ALK: variants seen among roughly 807,000 people sequenced by gnomAD.
The protein encoded by ALK is ALK receptor tyrosine kinase.
Under a neutral mutation model 163.1 loss-of-function variants are expected in ALK, and 74 were observed. The observed-to-expected ratio is 0.45, with a 90% CI of 0.38 to 0.55. ALK has a LOEUF of 0.55. Ranked by LOEUF, ALK falls within the 20% of genes least tolerant of loss-of-function variation. ALK has a pLI of 0.00. For missense variants in ALK, 2,063 were observed against 2,105.3 expected (o/e 0.98, Z 0.39); for synonymous variants, 960 against 843.2 (o/e 1.14, Z -2.40).
intron 1 of ALK, among the ~76,000 whole-genome samples, chr2:29,895,404 G>A (rs868366329): frequency 1.3e-5 from 2 of 152,264 alleles, no homozygotes; most frequent in Middle Eastern, 6.8e-3. Flanking sequence ...AGGAGAATGG[G>A]CAATGAGCTG....
At chr2:29,223,129 C>T (rs1669852228) in intron 20 of ALK, among the ~76,000 whole-genome samples, 1 of 152,138 alleles carries the variant, frequency 6.6e-6, no homozygotes, top group Admixed American at 6.5e-5. Context: ...CCCTGGTTCT[C>T]CTCTCATTGT....
chr2:29,375,921 A>T (rs1481890794), intron 5 of ALK, among the ~76,000 whole-genome samples: 1 of 152,136 alleles, frequency 6.6e-6, no homozygotes, highest in Non-Finnish European at 1.5e-5. Context: ...CTTAATCAAA[A>T]ACCACCTAAA....
At chr2:29,548,241 A>G (rs1409385998) in intron 3 of ALK, among the ~76,000 whole-genome samples, 2 of 152,172 alleles carry the variant, frequency 1.3e-5, no homozygotes, top group African/African-American at 4.8e-5. Flanking sequence ...TGGGAGGCCA[A>G]GGCAGACGGA....
At chr2:29,205,142 G>T (rs187029146) in intron 26 of ALK, among the ~76,000 whole-genome samples, 5 of 152,208 alleles carry the variant, frequency 3.3e-5, no homozygotes, top group Admixed American at 3.3e-4. Flanking sequence ...TCCATTTATG[G>T]TTGCAATAGT....
chr2:29,768,633 T>TA (rs1680927817), intron 1 of ALK, among the ~76,000 whole-genome samples: 1 of 151,618 alleles, frequency 6.6e-6, no homozygotes, highest in Admixed American at 6.6e-5. Context: ...TTAAAATCAA[T>TA]AAAAAATAAT....
At chr2:29,469,520 G>T (rs116156522) in intron 4 of ALK, among the ~76,000 whole-genome samples, 1 of 152,126 alleles carries the variant, frequency 6.6e-6, no homozygotes, top group Admixed American at 6.5e-5. Flanking sequence ...CAGGCATGCT[G>T]CACCTCTGTG....
chr2:29,635,846 G>C (rs1676508193), intron 3 of ALK, among the ~76,000 whole-genome samples: 2 of 151,630 alleles, frequency 1.3e-5, no homozygotes, highest in Admixed American at 1.3e-4. Flanking sequence ...GGCCAGACTG[G>C]TCACGAACTC....
chr2:29,193,799 C>T lies in ALK; in HGVS notation c.4288G>A (p.Ala1430Thr), dbSNP rs1338314504. 3 of 1,597,668 alleles carry T rather than the reference C, an allele frequency of 1.9e-6. No homozygotes were observed. The highest frequency in any genetic ancestry group is 2.2e-5 in the East Asian group (1 of 44,718). The change falls in exon 29 of 29, where the codon GCA becomes ACA. Residue 1430 changes from alanine (A) to threonine (T), a missense_variant. Physicochemically the swap from Ala to Thr is moderately conservative, Grantham distance 58. Around this residue, in one of 5 missense-constraint regions of ALK, gnomAD observed 403 missense variants for 366.2 expected, o/e 1.10. Transcript: ENST00000389048. ...GGGCTGCGCTCCTCCTCCCGTTTTG[C>T]CTGTTGAGAGACCAGGAGAGGAGGA... Reference protein sequence around the residue: ...GVPPLLVSQQAKREEERSPAA... With the variant: ...GVPPLLVSQQTKREEERSPAA...
At chr2:29,751,115 T>A (rs1680353701) in intron 1 of ALK, among the ~76,000 whole-genome samples, 1 of 151,830 alleles carries the variant, frequency 6.6e-6, no homozygotes, top group Non-Finnish European at 1.5e-5. Flanking sequence ...GAAAGAAAGG[T>A]TACAGTAAAC....
At chr2:29,614,081 G>A (rs1675771856) in intron 3 of ALK, among the ~76,000 whole-genome samples, 1 of 152,180 alleles carries the variant, frequency 6.6e-6, no homozygotes, top group South Asian at 2.1e-4. Flanking sequence ...AAAGTGAGGA[G>A]GAGCTGGGGC....
At chr2:29,340,051 A>G (rs1454924277) in intron 5 of ALK, among the ~76,000 whole-genome samples, 1 of 152,132 alleles carries the variant, frequency 6.6e-6, no homozygotes, top group African/African-American at 2.4e-5. Flanking sequence ...CCTATTCAAC[A>G]TTTATCTTCA....
Position 29,228,808 on chromosome 2 carries a change from G to GAGGGC in ALK, c.2815+71_2815+75dup, listed in dbSNP as rs1014250059. Reference sequence around the variant, plus strand: ...TTGGGCAGGCCAGGGGAGGGCAGGGGAGGGCAGGGCAGGGAGGTGAGGAGC... The same window carrying GAGGGC: ...TTGGGCAGGCCAGGGGAGGGCAGGGGAGGGCAGGGCAGGGCAGGGAGGTGAGGAGC... On this transcript the variant is annotated intron_variant, in intron 16 of 28. Transcript: ENST00000389048. 2.1e-5 allele frequency: 20 copies of GAGGGC among 941,210 alleles called. No homozygotes were observed. The Admixed American group carries it at 3.0e-4, about 14-fold the overall frequency. The allele number at this position is 941,210 out of a possible 1,614,324, so 58.3% of individuals were successfully genotyped here. A position where few individuals can be genotyped will look rare whatever the true frequency, so the allele number is the denominator to read the frequency against.
chr2:29,583,057 T>C (rs1248725505), intron 3 of ALK, among the ~76,000 whole-genome samples: 4 of 140,228 alleles, frequency 2.9e-5, no homozygotes, highest in African/African-American at 1.2e-4. Flanking sequence ...TTTGTTTTTT[T>C]TAGTAAAGAT....
intron 4 of ALK, among the ~76,000 whole-genome samples, chr2:29,393,305 C>A (rs886305542): frequency 6.6e-6 from 1 of 152,216 alleles, no homozygotes; most frequent in African/African-American, 2.4e-5. Context: ...CCCTCTTTCT[C>A]CCTTGAAGTG....
chr2:29,651,961 T>A (rs1269673861), intron 3 of ALK, among the ~76,000 whole-genome samples: 1 of 152,148 alleles, frequency 6.6e-6, no homozygotes, highest in African/African-American at 2.4e-5. Context: ...GTGTACAGGA[T>A]GCTATGGGCA....
At chr2:29,774,290 C>T (rs1006795839) in intron 1 of ALK, among the ~76,000 whole-genome samples, 15 of 152,164 alleles carry the variant, frequency 9.9e-5, no homozygotes, top group Admixed American at 9.8e-4. Flanking sequence ...TCCAACCACC[C>T]TCCCCTGCCA....
intron 1 of ALK, among the ~76,000 whole-genome samples, chr2:29,891,448 T>C (rs1667143289): frequency 6.6e-6 from 1 of 152,192 alleles, no homozygotes; most frequent in Non-Finnish European, 1.5e-5. Flanking sequence ...ATAACACTTA[T>C]CTGCATTAGC....
At chr2:29,216,755 G>T (rs1266673699) in intron 23 of ALK, among the ~76,000 whole-genome samples, 8 of 151,254 alleles carry the variant, frequency 5.3e-5, no homozygotes, top group Admixed American at 3.9e-4. Context: ...GTACGTGTGT[G>T]GTTTGTGTAG....
Position 29,537,439 on chromosome 2 carries a change from C to T in ALK, c.953-5323G>A, listed in dbSNP as rs987930307. 7.2e-5 allele frequency among the ~76,000 whole-genome samples: 11 copies of T among 152,188 alleles called. No individual in the cohort carries two copies. In the South Asian group the frequency reaches 2.1e-3, roughly 29 times the overall value. On this transcript the variant is annotated intron_variant, in intron 3 of 28. Coordinates refer to ENST00000389048, the MANE Select transcript of ALK (RefSeq NM_004304.5). ...CAGACACCACTTTGGATAACATAAG[C>T]CATGCTTCCATGTGGTATTCAGCCT...
Sources: gnomAD v4.1 joint callset for allele counts (sites outside exome capture counted in the v4.1 genomes callset) on GRCh38, gnomAD v4.1.1 for gene constraint, gnomAD v4.1.1 regional missense constraint, MANE v1.5 for transcripts, NCBI Gene and HGNC (gene_info 2026-07-23, HGNC 2026-07-21) for gene names.